TRHDE: variants seen among roughly 807,000 people sequenced by gnomAD.
TRHDE encodes thyrotropin-releasing hormone-degrading ectoenzyme.
TRHDE carries 72 observed loss-of-function variants against 125.7 expected under a neutral mutation model. That is an observed-to-expected ratio of 0.57 (90% CI 0.47 to 0.70). The LOEUF (loss-of-function observed/expected upper bound fraction) is 0.70. Ranked by LOEUF, TRHDE falls within the 30% of genes least tolerant of loss-of-function variation. The probability of loss-of-function intolerance (pLI) is 0.00; values close to 1 mark genes in which losing one functional copy is unlikely to be tolerated. For missense variants in TRHDE, 1,110 were observed against 1,327.1 expected, an observed-to-expected ratio of 0.84 and a Z score of 2.54; for synonymous variants, 509 against 509.1, an observed-to-expected ratio of 1.00 and a Z score of 0.00.
chr12:72,448,026 A>G (rs1875384803), intron 3 of TRHDE, among the ~76,000 whole-genome samples: 1 of 152,116 alleles, frequency 6.6e-6, no homozygotes, highest in Admixed American at 6.6e-5. Context: ...AATGATTACT[A>G]GGTCCTTTGA....
chr12:72,115,997 A>T (rs1426388897), intron 2 of TRHDE, among the ~76,000 whole-genome samples: 2 of 151,792 alleles, frequency 1.3e-5, no homozygotes, highest in African/African-American at 4.8e-5. Context: ...GTCCTAATGC[A>T]CTCCCTCCCT....
chr12:72,321,443 T>G (rs1049813637), intron 2 of TRHDE, among the ~76,000 whole-genome samples: 3 of 152,170 alleles, frequency 2.0e-5, no homozygotes, highest in African/African-American at 7.2e-5. Context: ...GTTAACACTG[T>G]TCAGGGAAAA....
chr12:72,218,000 C>T (rs768830546), intron 2 of TRHDE, among the ~76,000 whole-genome samples: 7 of 152,184 alleles, frequency 4.6e-5, no homozygotes, highest in Admixed American at 2.6e-4. Flanking sequence ...ACTTCATGAT[C>T]TAGCAATGGC....
At chr12:72,257,822 T>A (rs1457367320) in intron 2 of TRHDE, 2 of 152,154 alleles carry the variant, frequency 1.3e-5, no homozygotes, top group East Asian at 3.9e-4. Context: ...AATAAAAAAG[T>A]TTAAAAAGGG....
At chr12:72,383,549 G>T (rs911111389) in intron 3 of TRHDE, among the ~76,000 whole-genome samples, 1 of 151,310 alleles carries the variant, frequency 6.6e-6, no homozygotes, top group Non-Finnish European at 1.5e-5. Flanking sequence ...GCAAATTTTT[G>T]TGTTTTTAGT....
intron 12 of TRHDE, among the ~76,000 whole-genome samples, chr12:72,590,542 C>T (rs74105919): frequency 0.014 from 2,071 of 152,170 alleles, 48 homozygotes; most frequent in African/African-American, 0.047. Context: ...CTGTTTATCT[C>T]TGATTAATTG....
At chr12:72,402,777 T>G (rs1428006186) in intron 3 of TRHDE, among the ~76,000 whole-genome samples, 1 of 152,214 alleles carries the variant, frequency 6.6e-6, no homozygotes, top group African/African-American at 2.4e-5. Flanking sequence ...ATTGATTTTT[T>G]TTTCTGTAGG....
intron 2 of TRHDE, chr12:72,255,483 C>T (rs551019729): frequency 2.0e-5 from 3 of 152,332 alleles, no homozygotes; most frequent in Admixed American, 6.5e-5. Flanking sequence ...AAAGCTGCCT[C>T]GAGCAGATGG....
chr12:72,568,555 T>C lies in TRHDE; in HGVS notation c.2043-13T>C. ...GTTATTTTTATTCTTAAAGCTTGTC[T>C]TTTATTTTGCAGTTACCTGTGGCAG... On this transcript the variant is annotated splice_polypyrimidine_tract_variant and intron_variant, in intron 9 of 18. Transcript: ENST00000261180. 6.3e-7 allele frequency: 1 copy of C among 1,591,978 alleles called. No individual in the cohort carries two copies. The highest frequency in any genetic ancestry group is 8.6e-7 in the Non-Finnish European group (1 of 1,163,618).
At position 72,273,883 on chromosome 12, in the gene TRHDE, C is replaced by T. The variant is rs954066114; in HGVS notation, c.914+326C>T. The T allele has an allele frequency of 3.4e-6, 1 of 297,824 alleles. No homozygotes were observed. The highest frequency in any genetic ancestry group is 2.1e-5 in the African/African-American group (1 of 47,456). The allele number at this position is 297,824 out of a possible 1,614,324, so 18.4% of individuals were successfully genotyped here. ...CTTTTTCTGAAGGGTAGCTGATAAT[C>T]TGAGCGATGCCAGAGTGACATGAAA... On this transcript the variant is annotated intron_variant, in intron 1 of 18. Coordinates refer to ENST00000261180, the MANE Select transcript of TRHDE (RefSeq NM_013381.3). This position sits in a 1 kb window ranked among gnomAD's most constrained non-coding sequence, Gnocchi z 5.3.
chr12:72,528,860 G>A (rs991726378), intron 6 of TRHDE, among the ~76,000 whole-genome samples: 2 of 151,864 alleles, frequency 1.3e-5, no homozygotes, highest in Admixed American at 1.3e-4. Context: ...TCTTCCATTG[G>A]ATTCAGAAAT....
chr12:72,577,079 G>A (rs1400115689), intron 12 of TRHDE, among the ~76,000 whole-genome samples: 1 of 152,108 alleles, frequency 6.6e-6, no homozygotes, highest in Non-Finnish European at 1.5e-5. Context: ...TTTTATGTAC[G>A]AAAGAAAGAT....
chr12:72,119,006 G>A (rs1279391076), intron 2 of TRHDE, among the ~76,000 whole-genome samples: 4 of 151,632 alleles, frequency 2.6e-5, no homozygotes, highest in Non-Finnish European at 4.4e-5. Flanking sequence ...TTGATGTGTT[G>A]ATCTTTTGTA....
intron 6 of TRHDE, among the ~76,000 whole-genome samples, chr12:72,531,563 TC>T (rs1868556599): frequency 6.6e-6 from 1 of 152,130 alleles, no homozygotes; most frequent in African/African-American, 2.4e-5. Context: ...GTGCTTTTTT[TC>T]ATTTTCTCCT....
At chr12:72,355,145 A>C (rs1206327230) in intron 2 of TRHDE, among the ~76,000 whole-genome samples, 6 of 151,528 alleles carry the variant, frequency 4.0e-5, no homozygotes, top group Non-Finnish European at 5.9e-5. Context: ...AAGGTGCAAA[A>C]TTGCTATTGT....
At chr12:72,495,842 A>G (rs1877892089) in intron 5 of TRHDE, among the ~76,000 whole-genome samples, 1 of 152,120 alleles carries the variant, frequency 6.6e-6, no homozygotes. Flanking sequence ...TACTTTTCTG[A>G]AATGCCTTTG....
At chr12:72,371,164 C>A (rs1256684310) in intron 2 of TRHDE, among the ~76,000 whole-genome samples, 1 of 152,024 alleles carries the variant, frequency 6.6e-6, no homozygotes, top group Non-Finnish European at 1.5e-5. Context: ...ATATCATCCT[C>A]CTCTTGGTAG....
intron 2 of TRHDE, among the ~76,000 whole-genome samples, chr12:72,356,118 G>T (rs1417200501): frequency 6.6e-6 from 1 of 151,688 alleles, no homozygotes; most frequent in Non-Finnish European, 1.5e-5. Context: ...ATTCACAATA[G>T]AAAAGACATG....
chr12:72,430,310 T>C (rs1169014840), intron 3 of TRHDE, among the ~76,000 whole-genome samples: 1 of 144,798 alleles, frequency 6.9e-6, no homozygotes, highest in African/African-American at 2.5e-5. Context: ...TATATATATG[T>C]ATATATACAT....
Sources: gnomAD v4.1 joint callset for allele counts (sites outside exome capture counted in the v4.1 genomes callset) on GRCh38, gnomAD v4.1.1 for gene constraint, Gnocchi (gnomAD v3.1) non-coding constraint, MANE v1.5 for transcripts, NCBI Gene and HGNC (gene_info 2026-07-23, HGNC 2026-07-21) for gene names.